WDR47: variants seen among roughly 807,000 people sequenced by gnomAD.
WDR47 encodes WD repeat domain 47.
WDR47 carries 32 observed loss-of-function variants against 97.2 expected under a neutral mutation model. The ratio of observed to expected loss-of-function variants is 0.33; its 90% CI spans 0.25 to 0.44. WDR47 has a LOEUF of 0.44. Ranked by LOEUF, WDR47 falls within the 20% of genes least tolerant of loss-of-function variation. The pLI, the probability that WDR47 is intolerant of heterozygous loss-of-function variation, is 1.00. For missense variants in WDR47, 782 were observed against 1,102.3 expected, an observed-to-expected ratio of 0.71 and a Z score of 4.11; for synonymous variants, 375 against 373.5, an observed-to-expected ratio of 1.00 and a Z score of -0.05.
intron 1 of WDR47, among the ~76,000 whole-genome samples, chr1:109,028,464 G>C (rs1191209796): frequency 7.8e-6 from 1 of 129,018 alleles, no homozygotes; most frequent in South Asian, 2.7e-4. Context: ...CACCCGCCTC[G>C]ACCTCCAAAG....
chr1:108,986,617 C>T lies in WDR47; in HGVS notation c.1831G>A (p.Ala611Thr), dbSNP rs925679084. 3 of 1,613,528 alleles carry T rather than the reference C, an allele frequency of 1.9e-6. No individual in the cohort carries two copies. The highest frequency in any genetic ancestry group is 2.7e-5 in the African/African-American group (2 of 74,898). ...NILEDTQAVRAVAFHPAGGLY... is the reference protein window; with the variant it reads ...NILEDTQAVRTVAFHPAGGLY... ...CCTCCAGCTGGATGAAAAGCCACTG[C>T]TCTAACAGCTTGTGTGTCTTCTAGG... is the stretch of plus-strand genomic sequence containing the variant. The change falls in exon 10 of 15, where the codon GCA (alanine) becomes ACA (threonine). Residue 611 changes from alanine (A) to threonine (T), a missense_variant. Physicochemically the swap from Ala to Thr is moderately conservative, Grantham distance 58 (BLOSUM62 0). Transcript: ENST00000369962.
At chr1:108,998,357 G>A (rs1659914300) in intron 7 of WDR47, among the ~76,000 whole-genome samples, 1 of 151,958 alleles carries the variant, frequency 6.6e-6, no homozygotes. Context: ...ACAAAAATTA[G>A]CCAGGCATGG....
At chr1:109,008,214 C>T (rs1417545320) in intron 5 of WDR47, among the ~76,000 whole-genome samples, 1 of 152,122 alleles carries the variant, frequency 6.6e-6, no homozygotes, top group Non-Finnish European at 1.5e-5. Context: ...CAACTCTCTC[C>T]TCTATAATCT....
intron 8 of WDR47, among the ~76,000 whole-genome samples, chr1:108,993,693 T>G (rs550509301): frequency 6.6e-6 from 1 of 152,082 alleles, no homozygotes; most frequent in South Asian, 2.1e-4. Context: ...GAAGCAGGAG[T>G]GATCCTGGAG....
intron 13 of WDR47, 130 bp downstream of exon 13, chr1:108,981,603 A>G: frequency 1.1e-6 from 1 of 906,354 alleles, no homozygotes; most frequent in Non-Finnish European, 1.6e-6. Context: ...AAAGAACTGA[A>G]AGTAACTAAT....
Position 108,994,006 on chromosome 1 carries a change from C to CACAGTG in WDR47, c.1691+1573_1691+1574insCACTGT, listed in dbSNP as rs1659570226. 5.9e-5 allele frequency among the ~76,000 whole-genome samples: 9 copies of CACAGTG among 152,214 alleles called. No homozygotes were observed. In the South Asian group the frequency reaches 1.9e-3, roughly 32 times the overall value. ...TGATTTAAACAAAATCACACTGATA[C>CACAGTG]TGATTTAAACAAAAATTGATATATA... On this transcript the variant is annotated intron_variant, in intron 8 of 14. Coordinates refer to ENST00000369962, the MANE Select transcript of WDR47 (RefSeq NM_001142551.2).
Position 108,981,812 on chromosome 1 carries a change from G to T in WDR47, c.2319C>A (p.Ser773=). The T allele has an allele frequency of 1.9e-6, 3 of 1,613,782 alleles. No homozygotes were observed. Among genetic ancestry groups the T allele is most frequent in the Non-Finnish European group, 2.5e-6 (3 of 1,179,864 alleles). ...TWSGWMIASG[S]QDKTVRFWDL... Reference sequence around the variant, plus strand: ...CCCAAAATCTAACAGTCTTATCTTGGGAACCAGATGCAATCATCCAGCCAC... The same window carrying T: ...CCCAAAATCTAACAGTCTTATCTTGTGAACCAGATGCAATCATCCAGCCAC... The change falls in exon 13 of 15, where the codon TCC becomes TCA. Residue 773 remains serine, a synonymous_variant. Coordinates refer to ENST00000369962, the MANE Select transcript of WDR47 (RefSeq NM_001142551.2).
intron 2 of WDR47, among the ~76,000 whole-genome samples, chr1:109,022,568 T>C (rs1661920228): frequency 6.6e-6 from 1 of 152,130 alleles, no homozygotes; most frequent in Non-Finnish European, 1.5e-5. Context: ...AAGCATTATT[T>C]TGTAAATGTT....
At chr1:109,010,152 AAAGAAT>A (rs1434338043) in intron 5 of WDR47, among the ~76,000 whole-genome samples, 2 of 152,216 alleles carry the variant, frequency 1.3e-5, no homozygotes, top group East Asian at 1.9e-4. Flanking sequence ...ATAACCAGCA[AAAGAAT>A]AAGATATAAA....
chr1:109,030,903 C>G (rs1046025205), intron 1 of WDR47, among the ~76,000 whole-genome samples: 2 of 139,278 alleles, frequency 1.4e-5, no homozygotes, highest in African/African-American at 5.2e-5. Flanking sequence ...TCACTAACCT[C>G]TATGGGCCTC....
At chr1:108,991,947 G>A (rs1422010578) in intron 8 of WDR47, among the ~76,000 whole-genome samples, 2 of 152,030 alleles carry the variant, frequency 1.3e-5, no homozygotes, top group African/African-American at 4.8e-5. Flanking sequence ...ACAGGTGTGA[G>A]TCACCACACC....
chr1:109,035,106 C>A (rs1662848278), intron 1 of WDR47, among the ~76,000 whole-genome samples: 2 of 150,618 alleles, frequency 1.3e-5, no homozygotes, highest in South Asian at 2.1e-4. Flanking sequence ...ATTAGCCAGG[C>A]GTGGTGGTGC....
At chr1:109,009,496 T>C (rs1277638496) in intron 5 of WDR47, among the ~76,000 whole-genome samples, 1 of 152,206 alleles carries the variant, frequency 6.6e-6, no homozygotes, top group African/African-American at 2.4e-5. Context: ...TACACTACTA[T>C]GTACAGGAGA....
chr1:108,973,034 A>G (rs1043877777), intron 14 of WDR47, among the ~76,000 whole-genome samples: 1 of 151,686 alleles, frequency 6.6e-6, no homozygotes, highest in Admixed American at 6.6e-5. Context: ...TTCCAGGCAC[A>G]TTGGCTTCCT....
intron 4 of WDR47, among the ~76,000 whole-genome samples, chr1:109,012,241 G>A (rs911808098): frequency 6.6e-6 from 1 of 152,080 alleles, no homozygotes; most frequent in Non-Finnish European, 1.5e-5. Context: ...GAGCCACTCT[G>A]TTAGTCCAAA....
At chr1:109,014,703 T>G (rs1346717882) in intron 3 of WDR47, among the ~76,000 whole-genome samples, 2 of 152,044 alleles carry the variant, frequency 1.3e-5, no homozygotes. Context: ...CCAAAGTGCT[T>G]GGATTACAAG....
intron 9 of WDR47, among the ~76,000 whole-genome samples, chr1:108,989,651 T>C (rs1294410627): frequency 6.6e-6 from 1 of 152,212 alleles, no homozygotes. Context: ...GATTGCTTTA[T>C]AGCAGAAGCC....
chr1:108,998,808 G>A (rs1270434480), intron 7 of WDR47, among the ~76,000 whole-genome samples: 4 of 152,102 alleles, frequency 2.6e-5, no homozygotes, highest in African/African-American at 9.7e-5. Context: ...TGATTTGGAA[G>A]AATAAAACAT....
intron 2 of WDR47, among the ~76,000 whole-genome samples, chr1:109,018,150 T>C (rs572517189): frequency 6.6e-6 from 1 of 152,222 alleles, no homozygotes; most frequent in Admixed American, 6.5e-5. Context: ...TTTTGACCTA[T>C]GTAAAAACAT....
Sources: allele counts gnomAD v4.1 joint callset (sites outside exome capture counted in the v4.1 genomes callset), GRCh38; gene constraint gnomAD v4.1.1; transcripts MANE v1.5; gene names NCBI Gene and HGNC (gene_info 2026-07-23, HGNC 2026-07-21).